Variants in NRG1 observed in about 807,000 individuals in gnomAD.
NRG1 encodes the protein pro-neuregulin-1, membrane-bound isoform.
NRG1 carries 18 observed loss-of-function variants against 63.8 expected under a neutral mutation model. The observed-to-expected ratio is 0.28, with a 90% CI of 0.19 to 0.42. NRG1 has a LOEUF of 0.42. Ranked by LOEUF, NRG1 falls within the 10% of genes least tolerant of loss-of-function variation. The pLI is 1.00. For synonymous variants in NRG1, 302 were observed against 301.3 expected (o/e 1.00, Z -0.02); for missense variants, 762 against 814.7 (o/e 0.94, Z 0.79).
At chr8:31,780,557 A>G (rs1165014928) in intron 1 of NRG1, among the ~76,000 whole-genome samples, 1 of 152,200 alleles carries the variant, frequency 6.6e-6, no homozygotes, top group Non-Finnish European at 1.5e-5. Flanking sequence ...TAAATTTTTA[A>G]AAATCGAATC....
intron 1 of NRG1, among the ~76,000 whole-genome samples, chr8:32,386,819 T>C (rs1453956776): frequency 6.6e-6 from 1 of 152,234 alleles, no homozygotes; most frequent in Non-Finnish European, 1.5e-5. Context: ...CCCATGCAGA[T>C]ACCAAATTTT....
chr8:32,045,011 C>G (rs1185202995), intron 1 of NRG1, among the ~76,000 whole-genome samples: 2 of 136,614 alleles, frequency 1.5e-5, no homozygotes, highest in Non-Finnish European at 3.2e-5. Context: ...AACAGTAGAA[C>G]AAATTAATGA....
intron 1 of NRG1, among the ~76,000 whole-genome samples, chr8:32,402,148 G>A (rs190983254): frequency 3.7e-4 from 56 of 152,250 alleles, no homozygotes; most frequent in Middle Eastern, 3.4e-3. Flanking sequence ...CCTAACCTGA[G>A]GTGATCTGCC....
chr8:32,284,691 T>C (rs1055318459), intron 1 of NRG1, among the ~76,000 whole-genome samples: 1 of 152,106 alleles, frequency 6.6e-6, no homozygotes, highest in Non-Finnish European at 1.5e-5. Context: ...TCAGCACGCT[T>C]GGCTAATTCT....
At chr8:32,276,703 T>G (rs912787638) in intron 1 of NRG1, among the ~76,000 whole-genome samples, 1 of 152,078 alleles carries the variant, frequency 6.6e-6, no homozygotes, top group African/African-American at 2.4e-5. Flanking sequence ...AGGTTCTCCC[T>G]GTGTTGATGA....
chr8:31,960,589 T>G (rs972519873), intron 1 of NRG1, among the ~76,000 whole-genome samples: 24 of 152,256 alleles, frequency 1.6e-4, no homozygotes, highest in African/African-American at 5.5e-4. Flanking sequence ...TCCCCAAATC[T>G]TGTATCTCTT....
Position 32,624,665 on chromosome 8 carries a change from CATT to C in NRG1, c.502+7783_502+7785del, listed in dbSNP as rs1563793836. ...AAAAGACTCATTAGTACCTATGAGCCATTATAATTACTCTTAACAGTGCCCTCT... is the reference window on the plus strand; with the variant it reads ...AAAAGACTCATTAGTACCTATGAGCCATAATTACTCTTAACAGTGCCCTCT... On this transcript the variant is annotated intron_variant, in intron 5 of 11. Coordinates refer to ENST00000356819, the Ensembl canonical transcript of NRG1. Among the ~76,000 whole-genome samples, 3 of 152,110 alleles carry C rather than the reference CATT, an allele frequency of 2.0e-5. No individual in the cohort carries two copies. The South Asian group carries it at 6.2e-4, about 32-fold the overall frequency.
chr8:32,183,608 A>G (rs1841663075), intron 1 of NRG1, among the ~76,000 whole-genome samples: 1 of 152,204 alleles, frequency 6.6e-6, no homozygotes, highest in South Asian at 2.1e-4. Context: ...CATTCTCACA[A>G]AACAGGAATC....
chr8:31,805,827 CAAAAAAAAAAA>C (rs58107730), intron 1 of NRG1, among the ~76,000 whole-genome samples: 1 of 105,328 alleles, frequency 9.5e-6, no homozygotes, highest in African/African-American at 3.8e-5. Flanking sequence ...GACTCCGTCT[CAAAAAAAAAAA>C]AAAAAAAAGA....
chr8:31,773,969 A>G (rs889283565), intron 1 of NRG1, among the ~76,000 whole-genome samples: 9 of 152,092 alleles, frequency 5.9e-5, no homozygotes, highest in African/African-American at 1.9e-4. Flanking sequence ...TTGGGTACTC[A>G]ATAAATATTT....
intron 1 of NRG1, among the ~76,000 whole-genome samples, chr8:32,568,229 A>C (rs536083778): frequency 2.0e-5 from 3 of 152,244 alleles, no homozygotes; most frequent in Non-Finnish European, 2.9e-5. Context: ...ATACACCATA[A>C]ATCTCGAAGT....
At chr8:31,770,883 CCT>C (rs1451784269) in intron 1 of NRG1, among the ~76,000 whole-genome samples, 2 of 151,036 alleles carry the variant, frequency 1.3e-5, no homozygotes, top group African/African-American at 4.9e-5. Flanking sequence ...TCCCACAGTC[CCT>C]GTTACCTAGT....
At chr8:31,975,854 G>A (rs1439836819) in intron 1 of NRG1, among the ~76,000 whole-genome samples, 1 of 152,144 alleles carries the variant, frequency 6.6e-6, no homozygotes, top group African/African-American at 2.4e-5. Context: ...GAGACTATAT[G>A]CTATAAATAC....
At chr8:32,229,404 G>T (rs1011190423) in intron 1 of NRG1, among the ~76,000 whole-genome samples, 1 of 152,112 alleles carries the variant, frequency 6.6e-6, no homozygotes, top group African/African-American at 2.4e-5. Flanking sequence ...CAAGATGAAC[G>T]AGTGAACAAC....
intron 5 of NRG1, among the ~76,000 whole-genome samples, chr8:32,690,646 A>G (rs1044233588): frequency 2.0e-5 from 3 of 152,152 alleles, no homozygotes; most frequent in African/African-American, 7.2e-5. Flanking sequence ...AATTAAAATC[A>G]GCACCTGTAG....
chr8:31,786,585 T>C lies in NRG1; in HGVS notation c.37+147154T>C, dbSNP rs1158167761. 2.6e-5 allele frequency among the ~76,000 whole-genome samples: 4 copies of C among 152,340 alleles called. No homozygotes were observed. The East Asian group carries it at 7.7e-4, about 29-fold the overall frequency. On this transcript the variant is annotated intron_variant, in intron 1 of 10. Coordinates refer to the NRG1 transcript ENST00000519301. ...CACAAGCTCCAGTTTGTTGCGTCTG[T>C]GCTTCCAGCCAGCTGGCTATAAATT... is the stretch of plus-strand genomic sequence containing the variant.
At chr8:32,695,539 A>C (rs2128947573) in intron 5 of NRG1, among the ~76,000 whole-genome samples, 1 of 152,366 alleles carries the variant, frequency 6.6e-6, no homozygotes, top group South Asian at 2.1e-4. Context: ...GAGAACAGAG[A>C]TACCACAGAG....
chr8:31,840,770 A>G (rs928291070), intron 1 of NRG1, among the ~76,000 whole-genome samples: 5 of 152,222 alleles, frequency 3.3e-5, no homozygotes, highest in African/African-American at 1.2e-4. Context: ...TGGTATATGT[A>G]GAGCAACTGC....
At chr8:32,096,891 A>G (rs866925008) in intron 1 of NRG1, among the ~76,000 whole-genome samples, 5 of 152,316 alleles carry the variant, frequency 3.3e-5, no homozygotes, top group Middle Eastern at 6.8e-3. Flanking sequence ...CAAACATCCA[A>G]ACTGTAGCAC....
Sources: allele counts gnomAD v4.1 joint callset (sites outside exome capture counted in the v4.1 genomes callset), GRCh38; gene constraint gnomAD v4.1.1; transcripts MANE v1.5; gene names NCBI Gene and HGNC (gene_info 2026-07-23, HGNC 2026-07-21).